DCLRE1C: variants seen among roughly 807,000 people sequenced by gnomAD.
DCLRE1C encodes DNA cross-link repair 1C.
Under a neutral mutation model 61.4 loss-of-function variants are expected in DCLRE1C, and 47 were observed. That is an observed-to-expected ratio of 0.77 (90% confidence interval 0.61 to 0.98). The LOEUF is 0.98. Among genes scored for constraint, DCLRE1C ranks in the 50% least tolerant of loss-of-function variants. The pLI, the probability that DCLRE1C is intolerant of heterozygous loss-of-function variation, is 0.00. For synonymous variants in DCLRE1C, 337 were observed against 287.6 expected, an observed-to-expected ratio of 1.17 and a Z score of -1.74; for missense variants, 858 against 816.0, an observed-to-expected ratio of 1.05 and a Z score of -0.63.
chr10:14,919,590 A>G, intron 13 of DCLRE1C, 148 bp downstream of exon 13: 3 of 703,692 alleles, frequency 4.3e-6, no homozygotes, highest in East Asian at 5.2e-5. Flanking sequence ...CAGGAAGGCA[A>G]AGTACTTCCT....
At chr10:14,933,641 GAAAA>G in intron 8 of DCLRE1C, among the ~76,000 whole-genome samples, 1 of 141,184 alleles carries the variant, frequency 7.1e-6, no homozygotes, top group South Asian at 2.2e-4. Context: ...TCTCAAAAAA[GAAAA>G]AAAAAAATCA....
intron 2 of DCLRE1C, among the ~76,000 whole-genome samples, chr10:14,948,772 A>ATATATATATG (rs1842048917): frequency 6.8e-6 from 1 of 146,900 alleles, no homozygotes; most frequent in African/African-American, 2.5e-5. Flanking sequence ...TGGTAGGATT[A>ATATATATATG]TATATATATA....
At chr10:14,916,676 TC>T (rs1253957795) in intron 13 of DCLRE1C, among the ~76,000 whole-genome samples, 3 of 151,992 alleles carry the variant, frequency 2.0e-5, no homozygotes, top group Admixed American at 6.6e-5. Context: ...TGCAACAGTA[TC>T]CCCCAAAATG....
chr10:14,897,798 A>C (rs1833691161), exon 14 of DCLRE1C: 1 of 214,720 alleles, frequency 4.7e-6, no homozygotes, highest in Non-Finnish European at 9.1e-6. Flanking sequence ...AATTTAAAAT[A>C]TGACAACTGT....
At chr10:14,942,469 A>G (rs544076304) in intron 3 of DCLRE1C, 8 of 152,330 alleles carry the variant, frequency 5.3e-5, no homozygotes, top group African/African-American at 1.9e-4. Context: ...TTCTCAATCA[A>G]AGGTCAGATG....
chr10:14,935,812 C>G (rs61845570), intron 5 of DCLRE1C, among the ~76,000 whole-genome samples: 1 of 152,172 alleles, frequency 6.6e-6, no homozygotes, highest in Non-Finnish European at 1.5e-5. Flanking sequence ...TTAGCACTTT[C>G]AATTATATGT....
chr10:14,951,760 T>TG (rs1191848196), intron 1 of DCLRE1C, among the ~76,000 whole-genome samples: 3 of 152,188 alleles, frequency 2.0e-5, no homozygotes, highest in Non-Finnish European at 4.4e-5. Flanking sequence ...GTAAGGAAAC[T>TG]AATCCTATCA....
intron 8 of DCLRE1C, among the ~76,000 whole-genome samples, 156 bp from the exon 9 acceptor site, chr10:14,933,111 C>T (rs1021291458): frequency 9.9e-5 from 15 of 152,162 alleles, no homozygotes; most frequent in African/African-American, 3.4e-4. Context: ...TCTGGTATTC[C>T]GCCAGCATGT....
intron 11 of DCLRE1C, among the ~76,000 whole-genome samples, chr10:14,924,229 C>G (rs1837587431): frequency 6.6e-6 from 1 of 152,248 alleles, no homozygotes; most frequent in Non-Finnish European, 1.5e-5. Context: ...GTGTCCCATT[C>G]TTATGTGGCC....
chr10:14,899,290 AGCC>A, exon 14 of DCLRE1C: 1 of 702,226 alleles, frequency 1.4e-6, no homozygotes. Context: ...ACCGCATTCT[AGCC>A]TGAGTGACAG....
rs368185343 is a variant in DCLRE1C, at chr10:14,905,969, G to A, written c.*2439C>T. ...TGCATTCCAGCCTGAGTGACAGAGC[G>A]AGACTCCATCTTGAAAAGTAAAAAA... On this transcript the variant is annotated 3_prime_UTR_variant, in exon 14 of 14. Transcript: ENST00000378278. 1.1e-3 allele frequency among the ~76,000 whole-genome samples: 167 copies of A among 152,276 alleles called. No individual in the cohort carries two copies. The highest frequency in any genetic ancestry group is 3.7e-3 in the African/African-American group (154 of 41,566).
At chr10:14,940,741 T>C (rs1312521860) in intron 3 of DCLRE1C, among the ~76,000 whole-genome samples, 1 of 152,258 alleles carries the variant, frequency 6.6e-6, no homozygotes, top group Non-Finnish European at 1.5e-5. Context: ...TCCTAAAACT[T>C]ACAGTGTCTA....
intron 2 of DCLRE1C, among the ~76,000 whole-genome samples, chr10:14,948,376 T>C (rs1841989872): frequency 6.6e-6 from 1 of 152,176 alleles, no homozygotes; most frequent in African/African-American, 2.4e-5. Context: ...GAAGGGGGAA[T>C]TTAGATGTAG....
chr10:14,900,356 G>A (rs1426354671), downstream of DCLRE1C, among the ~76,000 whole-genome samples: 3 of 152,288 alleles, frequency 2.0e-5, no homozygotes, highest in East Asian at 5.8e-4. Flanking sequence ...TCTGCATTTT[G>A]TGGATAATAA....
intron 13 of DCLRE1C, among the ~76,000 whole-genome samples, chr10:14,912,869 G>A (rs1283174659): frequency 2.0e-5 from 3 of 151,268 alleles, no homozygotes; most frequent in Non-Finnish European, 4.4e-5. Flanking sequence ...TTTTAGTAGA[G>A]ACGGGGTTTC....
intron 1 of DCLRE1C, among the ~76,000 whole-genome samples, chr10:14,950,384 A>T (rs969363107): frequency 7.4e-4 from 112 of 151,712 alleles, no homozygotes; most frequent in Non-Finnish European, 1.2e-3. Flanking sequence ...AAACAAGAAC[A>T]ATAAATTGCT....
intron 12 of DCLRE1C, among the ~76,000 whole-genome samples, chr10:14,922,088 C>G (rs41299674): frequency 5.2e-4 from 79 of 152,320 alleles, no homozygotes; most frequent in African/African-American, 1.7e-3. Context: ...CTAGGACAGG[C>G]TGTGTCTTAG....
rs1435729170 is a variant in DCLRE1C, at chr10:14,905,250, G to T, written c.*3158C>A. ...TTGATCTTGGCCAAAAGGCCAAGGA[G>T]TGATGGTTCATGCATTTGAATATTA... On this transcript the variant is annotated 3_prime_UTR_variant, in exon 14 of 14. Transcript: ENST00000378278. Among the ~76,000 whole-genome samples the T allele has an allele frequency of 6.6e-6, 1 of 152,274 alleles. No homozygotes were observed. Among genetic ancestry groups the T allele is most frequent in the African/African-American group, 2.4e-5 (1 of 41,472 alleles).
intron 11 of DCLRE1C, among the ~76,000 whole-genome samples, chr10:14,926,584 G>A (rs1319458279): frequency 6.6e-6 from 1 of 150,964 alleles, no homozygotes; most frequent in Non-Finnish European, 1.5e-5. Context: ...AACCCAGGAG[G>A]CAGAGGTTGC....
Sources: gnomAD v4.1 joint callset for allele counts (sites outside exome capture counted in the v4.1 genomes callset) on GRCh38, gnomAD v4.1.1 for gene constraint, MANE v1.5 for transcripts, NCBI Gene and HGNC (gene_info 2026-07-23, HGNC 2026-07-21) for gene names.